CNTNAP5: variants seen among roughly 807,000 people sequenced by gnomAD.
CNTNAP5 encodes the protein contactin associated protein family member 5, also known as contactin-associated protein-like 5.
A neutral mutation model predicts 150.2 loss-of-function variants in CNTNAP5; 72 were observed. The observed-to-expected ratio is 0.48, with a 90% CI of 0.40 to 0.58. CNTNAP5 has a LOEUF of 0.58. Ranked by LOEUF, CNTNAP5 falls within the 20% of genes least tolerant of loss-of-function variation. The pLI is 0.00. For synonymous variants in CNTNAP5, 672 were observed against 619.8 expected (o/e 1.08, Z -1.25); for missense variants, 1,636 against 1,626.2 (o/e 1.01, Z -0.10).
At chr2:124,848,309 A>G (rs1366052052) in intron 19 of CNTNAP5, among the ~76,000 whole-genome samples, 1 of 152,146 alleles carries the variant, frequency 6.6e-6, no homozygotes, top group Non-Finnish European at 1.5e-5. Context: ...TTCACTTTGC[A>G]TTATGTCTTC....
chr2:124,446,765 C>T lies in CNTNAP5; in HGVS notation c.746C>T (p.Ala249Val), dbSNP rs377323989. ...CCCCTCTTCACAGGTGACAGCAAAG[C>T]GCGGCTCAGCAGCAGCTTGCCCTCT... ...ALHLNLGDSK[A>V]RLSSSLPSAT... Residue 249 changes from alanine (A) to valine (V), a missense_variant, in exon 6 of 24, where the codon GCG (alanine) becomes GTG (valine). Physicochemically the swap from Ala to Val is moderately conservative, Grantham distance 64. Coordinates refer to ENST00000682447, the MANE Select transcript of CNTNAP5 (RefSeq NM_001367498.1). 48 of 1,613,344 alleles carry T rather than the reference C, an allele frequency of 3.0e-5. No homozygotes were observed. Among genetic ancestry groups the T allele is most frequent in the Admixed American group, 1.8e-4 (11 of 59,996 alleles).
intron 13 of CNTNAP5, among the ~76,000 whole-genome samples, chr2:124,724,175 A>AATAATAATG (rs539558593): frequency 0.017 from 2,530 of 149,556 alleles, 79 homozygotes; most frequent in African/African-American, 0.06. Flanking sequence ...TAATAATAAT[A>AATAATAATG]ATGATGATAC....
chr2:124,394,653 A>G (rs1691200988), intron 3 of CNTNAP5, among the ~76,000 whole-genome samples: 2 of 152,184 alleles, frequency 1.3e-5, no homozygotes, highest in Admixed American at 1.3e-4. Context: ...TTTGCCTTTC[A>G]TTCTTTTAAC....
intron 16 of CNTNAP5, among the ~76,000 whole-genome samples, chr2:124,771,108 T>C (rs1230203471): frequency 1.3e-5 from 2 of 152,174 alleles, no homozygotes; most frequent in African/African-American, 4.8e-5. Context: ...GAGGCTGCTT[T>C]CAGTTAAGGT....
At chr2:124,633,177 T>A (rs1677899720) in intron 12 of CNTNAP5, among the ~76,000 whole-genome samples, 1 of 151,894 alleles carries the variant, frequency 6.6e-6, no homozygotes, top group South Asian at 2.1e-4. Flanking sequence ...TACCCAACAG[T>A]CCCCCTAAAT....
intron 19 of CNTNAP5, among the ~76,000 whole-genome samples, chr2:124,857,657 C>T (rs1382086347): frequency 6.7e-6 from 1 of 149,206 alleles, no homozygotes; most frequent in Non-Finnish European, 1.5e-5. Context: ...GAAACCCTGT[C>T]TCCACTAAAA....
intron 4 of CNTNAP5, among the ~76,000 whole-genome samples, chr2:124,421,407 A>T (rs1381827915): frequency 6.6e-6 from 1 of 152,208 alleles, no homozygotes; most frequent in Non-Finnish European, 1.5e-5. Context: ...AAACTCTGGG[A>T]AGCAGCCTTT....
intron 6 of CNTNAP5, among the ~76,000 whole-genome samples, chr2:124,465,821 T>C (rs2104825459): frequency 6.6e-6 from 1 of 152,238 alleles, no homozygotes; most frequent in Non-Finnish European, 1.5e-5. Context: ...AGTAAGTGAA[T>C]TATATAGTAA....
intron 12 of CNTNAP5, among the ~76,000 whole-genome samples, chr2:124,616,508 A>G (rs978666417): frequency 1.3e-5 from 2 of 152,202 alleles, no homozygotes; most frequent in African/African-American, 4.8e-5. Context: ...TTCAGCAGCT[A>G]AAATTTTCTC....
At chr2:124,888,300 A>G (rs1407493833) in intron 21 of CNTNAP5, among the ~76,000 whole-genome samples, 1 of 152,156 alleles carries the variant, frequency 6.6e-6, no homozygotes, top group Non-Finnish European at 1.5e-5. Flanking sequence ...ATGGCTGCAT[A>G]GTATTCAATA....
At chr2:124,855,167 CTTT>C (rs70999224) in intron 19 of CNTNAP5, among the ~76,000 whole-genome samples, 19 of 71,476 alleles carry the variant, frequency 2.7e-4, no homozygotes, top group South Asian at 9.0e-4. Flanking sequence ...TGGGCTTTTG[CTTT>C]TTTTTTTTTT....
At chr2:124,577,848 G>T (rs1696323470) in intron 11 of CNTNAP5, among the ~76,000 whole-genome samples, 1 of 152,090 alleles carries the variant, frequency 6.6e-6, no homozygotes, top group Admixed American at 6.6e-5. Context: ...ACATTAACTT[G>T]GTTGGAGTTG....
rs967099360 is a variant in CNTNAP5 at position 124,283,022 on chromosome 2, G to A, written c.381+40629G>A. On this transcript the variant is annotated intron_variant, in intron 3 of 23. Coordinates refer to ENST00000682447, the MANE Select transcript of CNTNAP5 (RefSeq NM_001367498.1). The stretch of plus-strand genomic sequence containing the variant: ...TTTTTTTTTTTTTTGACCTACTTTC[G>A]GGTCACCATGAAAACCATTCTCAGG... Among the ~76,000 whole-genome samples, 39 of 148,290 alleles carry A rather than the reference G, an allele frequency of 2.6e-4. 1 individual carries two copies. Among genetic ancestry groups the A allele is most frequent in the African/African-American group, 8.4e-4 (34 of 40,278 alleles).
intron 1 of CNTNAP5, among the ~76,000 whole-genome samples, chr2:124,101,997 T>G (rs1424869689): frequency 6.6e-6 from 1 of 152,108 alleles, no homozygotes; most frequent in Non-Finnish European, 1.5e-5. Flanking sequence ...GTATCACTGA[T>G]TTTCCACAAC....
At chr2:124,480,870 A>C (rs6731776) in intron 7 of CNTNAP5, among the ~76,000 whole-genome samples, 149,128 of 152,258 alleles carry the variant, frequency 0.98, 73,116 homozygotes, top group East Asian at 1. Context: ...TTATTCACTC[A>C]CTGAACAGTT....
At chr2:124,297,673 T>C (rs1448096022) in intron 3 of CNTNAP5, among the ~76,000 whole-genome samples, 1 of 152,016 alleles carries the variant, frequency 6.6e-6, no homozygotes, top group Non-Finnish European at 1.5e-5. Context: ...TCTGTGCATA[T>C]AGTCTGCCTT....
intron 1 of CNTNAP5, among the ~76,000 whole-genome samples, chr2:124,190,704 G>A (rs1685439011): frequency 3.3e-5 from 5 of 152,156 alleles, no homozygotes; most frequent in Admixed American, 3.3e-4. Flanking sequence ...TGTTATAAGA[G>A]ATGTCTATGT....
At chr2:124,479,306 A>G (rs2420868) in intron 7 of CNTNAP5, among the ~76,000 whole-genome samples, 31,323 of 152,060 alleles carry the variant, frequency 0.21, 3,519 homozygotes, top group East Asian at 0.34. Flanking sequence ...CTTGCACTCC[A>G]TCAGAAATGA....
intron 1 of CNTNAP5, among the ~76,000 whole-genome samples, chr2:124,048,550 T>G (rs564144317): frequency 3.8e-4 from 58 of 152,312 alleles, no homozygotes; most frequent in African/African-American, 1.3e-3. Flanking sequence ...TTGAGGGCTC[T>G]CTATACACTT....
Sources: gnomAD v4.1 joint callset for allele counts (sites outside exome capture counted in the v4.1 genomes callset) on GRCh38, gnomAD v4.1.1 for gene constraint, MANE v1.5 for transcripts, NCBI Gene and HGNC (gene_info 2026-07-23, HGNC 2026-07-21) for gene names.